DCBLD2: variants seen among roughly 807,000 people sequenced by gnomAD.
DCBLD2 encodes discoidin, CUB and LCCL domain-containing protein 2.
A neutral mutation model predicts 86.8 loss-of-function variants in DCBLD2; 54 were observed. The observed-to-expected ratio is 0.62, with a 90% CI of 0.50 to 0.78. The LOEUF (loss-of-function observed/expected upper bound fraction) is 0.78, where lower values mean the gene tolerates loss of function less well. DCBLD2 is among the 30% of genes least tolerant of loss of function. DCBLD2 has a pLI of 0.00. For missense variants in DCBLD2, 908 were observed against 954.2 expected (o/e 0.95, Z 0.64); for synonymous variants, 354 against 341.3 (o/e 1.04, Z -0.41).
Position 98,881,781 on chromosome 3 carries a change from G to A in DCBLD2, c.206-14C>T, listed in dbSNP as rs1415187559. 4 of 1,575,924 alleles carry A rather than the reference G, an allele frequency of 2.5e-6. No homozygotes were observed. The highest frequency in any genetic ancestry group is 1.2e-5 in the South Asian group (1 of 85,906). On this transcript the variant is annotated splice_polypyrimidine_tract_variant and intron_variant, in intron 1 of 15. Transcript: ENST00000326840. ...CACATCCATCACCTTTAAAAAAAGT[G>A]AAAAGAATGATAAATTATTCTCACA...
intron 3 of DCBLD2, among the ~76,000 whole-genome samples, chr3:98,836,622 C>T (rs1488016600): frequency 3.4e-4 from 46 of 135,124 alleles, no homozygotes; most frequent in East Asian, 4.0e-4. Flanking sequence ...ACCTCCCAGA[C>T]GGGGCGGCTG....
chr3:98,853,146 T>C (rs921871313), intron 2 of DCBLD2, among the ~76,000 whole-genome samples: 8 of 152,200 alleles, frequency 5.3e-5, no homozygotes, highest in Non-Finnish European at 1.2e-4. Context: ...TTGAATTTGA[T>C]AGAGGTATGG....
intron 2 of DCBLD2, among the ~76,000 whole-genome samples, chr3:98,865,695 T>C (rs900964723): frequency 6.6e-6 from 1 of 150,718 alleles, no homozygotes; most frequent in Non-Finnish European, 1.5e-5. Context: ...ACAGCATATA[T>C]ACAATTTTCT....
chr3:98,809,950 G>A (rs1434263319), intron 12 of DCBLD2, among the ~76,000 whole-genome samples: 1 of 152,196 alleles, frequency 6.6e-6, no homozygotes, highest in Non-Finnish European at 1.5e-5. Flanking sequence ...TGGATGCTGT[G>A]TGATTTAATC....
intron 1 of DCBLD2, 170 bp downstream of exon 1, chr3:98,900,952 C>G (rs1943837393): frequency 8.4e-7 from 1 of 1,185,680 alleles, no homozygotes; most frequent in Non-Finnish European, 1.1e-6. Flanking sequence ...GGGGGACAGA[C>G]GGGCAAGACC....
At chr3:98,810,102 G>A (rs1368273506) in intron 12 of DCBLD2, among the ~76,000 whole-genome samples, 1 of 152,188 alleles carries the variant, frequency 6.6e-6, no homozygotes, top group African/African-American at 2.4e-5. Flanking sequence ...AATTCTGGAA[G>A]GAAATTATTT....
Position 98,849,602 on chromosome 3 carries a change from G to A in DCBLD2, c.434-4C>T, listed in dbSNP as rs1303960864. 7 of 1,603,258 alleles carry A rather than the reference G, an allele frequency of 4.4e-6. No individual in the cohort carries two copies. The highest frequency in any genetic ancestry group is 1.1e-5 in the South Asian group (1 of 90,120). Reference sequence around the variant, plus strand: ...AACCCCAGACCACAGTATTTGCCTAGGAATGAAAGAAAAGCAGATTATTTG... The same window carrying A: ...AACCCCAGACCACAGTATTTGCCTAAGAATGAAAGAAAAGCAGATTATTTG... On this transcript the variant is annotated splice_polypyrimidine_tract_variant and splice_region_variant and intron_variant, in intron 2 of 15. Transcript: ENST00000326840.
At chr3:98,873,731 T>A (rs946096174) in intron 2 of DCBLD2, among the ~76,000 whole-genome samples, 2 of 151,882 alleles carry the variant, frequency 1.3e-5, no homozygotes, top group Non-Finnish European at 2.9e-5. Context: ...AAAAAAAAAT[T>A]TTAAATCATG....
intron 2 of DCBLD2, among the ~76,000 whole-genome samples, chr3:98,857,591 C>A (rs937058254): frequency 6.6e-6 from 1 of 152,134 alleles, no homozygotes; most frequent in Non-Finnish European, 1.5e-5. Context: ...CACAGAGTGT[C>A]GATTGGTGCA....
At chr3:98,865,989 T>C (rs1559792443) in intron 2 of DCBLD2, among the ~76,000 whole-genome samples, 1 of 151,996 alleles carries the variant, frequency 6.6e-6, no homozygotes, top group Non-Finnish European at 1.5e-5. Flanking sequence ...GATAGTTTGC[T>C]GAGAATGATG....
In DCBLD2 at chr3:98,836,786, C is replaced by T. The variant is rs1236217602; in HGVS notation, c.572-11420G>A. Among the ~76,000 whole-genome samples the T allele has an allele frequency of 1.1e-4, 8 of 71,618 alleles. 1 individual carries two copies. Among genetic ancestry groups the T allele is most frequent in the Non-Finnish European group, 1.7e-4 (5 of 29,882 alleles). The allele number at this position is 71,618 out of a possible 152,430, so 47.0% of individuals were successfully genotyped here. ...GCCGGGCGGGGGGCCGACACCCCCA[C>T]CTCCCTCCCGGACGGGGTGGCTGGC... is the stretch of plus-strand genomic sequence containing the variant. On this transcript the variant is annotated intron_variant, in intron 3 of 15. Coordinates refer to ENST00000326840, the MANE Select transcript of DCBLD2 (RefSeq NM_080927.4).
chr3:98,830,694 TG>T (rs1258255679), intron 3 of DCBLD2, among the ~76,000 whole-genome samples: 3 of 152,230 alleles, frequency 2.0e-5, no homozygotes, highest in Non-Finnish European at 4.4e-5. Flanking sequence ...TTTTTCTTTT[TG>T]TTTAAGATTG....
At chr3:98,812,979 T>C (rs141618585) in intron 9 of DCBLD2, 2 of 152,518 alleles carry the variant, frequency 1.3e-5, no homozygotes, top group East Asian at 3.8e-4. Context: ...ATAACAGATA[T>C]ATACCTCCAC....
intron 3 of DCBLD2, among the ~76,000 whole-genome samples, chr3:98,846,850 TA>T (rs1235344919): frequency 6.6e-6 from 1 of 151,240 alleles, no homozygotes; most frequent in Non-Finnish European, 1.5e-5. Flanking sequence ...AAAAGCCTCA[TA>T]ATTTAAATAT....
intron 2 of DCBLD2, 150 bp from the exon 3 acceptor site, chr3:98,849,748 T>C (rs1321590542): frequency 4.4e-6 from 4 of 915,428 alleles, no homozygotes; most frequent in African/African-American, 1.7e-5. Flanking sequence ...TTACCAATCA[T>C]ATTGCTCTGG....
chr3:98,853,897 C>G (rs1427118087), intron 2 of DCBLD2, among the ~76,000 whole-genome samples: 1 of 152,180 alleles, frequency 6.6e-6, no homozygotes, highest in Non-Finnish European at 1.5e-5. Flanking sequence ...AGAACAAAAG[C>G]ACATCAGCTC....
intron 4 of DCBLD2, among the ~76,000 whole-genome samples, chr3:98,824,136 C>A (rs571636487): frequency 1.3e-5 from 2 of 151,916 alleles, no homozygotes; most frequent in African/African-American, 4.8e-5. Context: ...AATGCAGGAG[C>A]CTTGTGGGCT....
intron 1 of DCBLD2, among the ~76,000 whole-genome samples, chr3:98,895,619 CAGG>C (rs1706712481): frequency 6.6e-6 from 1 of 152,174 alleles, no homozygotes; most frequent in African/African-American, 2.4e-5. Context: ...CCTACTTCTC[CAGG>C]AGTTGTGAGC....
At chr3:98,834,152 T>C (rs1183262519) in intron 3 of DCBLD2, among the ~76,000 whole-genome samples, 10 of 151,168 alleles carry the variant, frequency 6.6e-5, no homozygotes, top group African/African-American at 2.2e-4. Flanking sequence ...CTTTTTTTTT[T>C]TTTTTTTTGT....
Sources: allele counts gnomAD v4.1 joint callset (sites outside exome capture counted in the v4.1 genomes callset), GRCh38; gene constraint gnomAD v4.1.1; transcripts MANE v1.5; gene names NCBI Gene and HGNC (gene_info 2026-07-23, HGNC 2026-07-21).